The following RBFOX1 variants were observed in gnomAD, a reference collection of about 807,000 sequenced individuals.
RBFOX1 encodes the protein RNA binding fox-1 homolog 1, also known as RNA binding protein fox-1 homolog 1.
Under a neutral mutation model 57.7 loss-of-function variants are expected in RBFOX1, and 8 were observed. That is an observed-to-expected ratio of 0.14 (90% CI 0.08 to 0.25). The LOEUF (loss-of-function observed/expected upper bound fraction) is 0.25. RBFOX1 is among the 10% of genes least tolerant of loss of function. The probability of loss-of-function intolerance (pLI) is 1.00; values close to 1 mark genes in which losing one functional copy is unlikely to be tolerated. For missense variants in RBFOX1, 611 were observed against 548.5 expected, an observed-to-expected ratio of 1.11 and a Z score of -1.14; for synonymous variants, 326 against 222.4, an observed-to-expected ratio of 1.47 and a Z score of -4.15.
rs535003850 is a variant in RBFOX1 at position 7,125,083 on chromosome 16, G to A, written c.27+72985G>A. On this transcript the variant is annotated intron_variant, in intron 4 of 15. Coordinates refer to ENST00000550418, the MANE Select transcript of RBFOX1 (RefSeq NM_018723.4). ...ATGAAGAGAGCACTCTGTCAAAGCT[G>A]AGATATTTAAAGAAAAGCCAAAATG... is the stretch of plus-strand genomic sequence containing the variant. Among the ~76,000 whole-genome samples the A allele has an allele frequency of 1.7e-4, 26 of 152,252 alleles. No homozygotes were observed. The South Asian group carries it at 5.2e-3, about 30-fold the overall frequency.
At chr16:6,090,391 C>T (rs1386135557) in intron 1 of RBFOX1, among the ~76,000 whole-genome samples, 1 of 152,156 alleles carries the variant, frequency 6.6e-6, no homozygotes, top group African/African-American at 2.4e-5. Flanking sequence ...CTGCAGATCA[C>T]ATATCATCAT....
At chr16:6,532,259 G>A (rs1567581223) in intron 2 of RBFOX1, among the ~76,000 whole-genome samples, 1 of 152,206 alleles carries the variant, frequency 6.6e-6, no homozygotes, top group East Asian at 1.9e-4. Context: ...ATAAAATGGG[G>A]GAGCTGTAAC....
intron 4 of RBFOX1, among the ~76,000 whole-genome samples, chr16:7,254,338 C>T (rs2094594438): frequency 6.6e-6 from 1 of 152,124 alleles, no homozygotes; most frequent in East Asian, 1.9e-4. Flanking sequence ...GCAGGAAGAC[C>T]AACCCTGGGC....
At chr16:7,362,742 T>G (rs17739192) in intron 4 of RBFOX1, among the ~76,000 whole-genome samples, 11,426 of 152,148 alleles carry the variant, frequency 0.075, 439 homozygotes, top group South Asian at 0.094. Flanking sequence ...TATATATGTT[T>G]TGGGTGTATG....
chr16:5,771,822 T>A (rs2053987899), intron 3 of RBFOX1, among the ~76,000 whole-genome samples: 1 of 152,210 alleles, frequency 6.6e-6, no homozygotes, highest in Non-Finnish European at 1.5e-5. Context: ...GTGTTTGAAG[T>A]GATGACATAG....
At chr16:6,759,441 C>G (rs937651263) in intron 3 of RBFOX1, among the ~76,000 whole-genome samples, 2 of 150,698 alleles carry the variant, frequency 1.3e-5, no homozygotes, top group Non-Finnish European at 2.9e-5. Context: ...ATTCTTTAGT[C>G]AACCAACTTC....
At chr16:5,920,810 AT>A (rs1250118367) in intron 4 of RBFOX1, among the ~76,000 whole-genome samples, 1 of 152,202 alleles carries the variant, frequency 6.6e-6, no homozygotes, top group Non-Finnish European at 1.5e-5. Flanking sequence ...CAGCATTATA[AT>A]TTTTAAAAAT....
chr16:6,450,790 CATATATAT>C lies in RBFOX1; in HGVS notation c.-64+133736_-64+133743del, dbSNP rs1202007078. ...GTGTATATATATATATATATATATA[CATATATAT>C]ATGTATATATATATATATACATATA... On this transcript the variant is annotated intron_variant, in intron 2 of 15. Coordinates refer to ENST00000550418, the MANE Select transcript of RBFOX1 (RefSeq NM_018723.4). Among the ~76,000 whole-genome samples the C allele has an allele frequency of 5.7e-5, 2 of 35,146 alleles. 1 individual carries two copies. Among genetic ancestry groups the C allele is most frequent in the Non-Finnish European group, 9.8e-5 (2 of 20,476 alleles). The allele number at this position is 35,146 out of a possible 152,430, so 23.1% of individuals were successfully genotyped here.
intron 1 of RBFOX1, among the ~76,000 whole-genome samples, chr16:6,061,054 C>T (rs62015822): frequency 0.57 from 86,791 of 151,608 alleles, 25,176 homozygotes; most frequent in Non-Finnish European, 0.63. Context: ...CTGATTACGA[C>T]CCATGCATTC....
intron 2 of RBFOX1, among the ~76,000 whole-genome samples, chr16:6,389,272 C>T (rs2092468635): frequency 6.6e-6 from 1 of 152,220 alleles, no homozygotes; most frequent in Non-Finnish European, 1.5e-5. Flanking sequence ...AATGAAACGA[C>T]ATGCACAGAT....
At chr16:5,770,517 T>A (rs1485840472) in intron 3 of RBFOX1, among the ~76,000 whole-genome samples, 1 of 152,148 alleles carries the variant, frequency 6.6e-6, no homozygotes, top group Non-Finnish European at 1.5e-5. Flanking sequence ...GGAGTTGTTA[T>A]AAATAAAGCT....
rs185308317 is a variant in RBFOX1 at position 7,211,360 on chromosome 16, C to T, written c.27+159262C>T. On this transcript the variant is annotated intron_variant, in intron 4 of 15. Transcript: ENST00000550418. ...TGAGCCGAGATTGCACCACTGCGCC[C>T]CAGCCTGGGCGACAGAGTGAGACTG... Among the ~76,000 whole-genome samples, 1,053 of 145,578 alleles carry T rather than the reference C, an allele frequency of 7.2e-3. 18 individuals carry two copies. The highest frequency in any genetic ancestry group is 0.026 in the African/African-American group (1,003 of 38,462).
intron 3 of RBFOX1, among the ~76,000 whole-genome samples, chr16:6,679,058 T>C (rs989432232): frequency 6.6e-6 from 1 of 152,134 alleles, no homozygotes; most frequent in Non-Finnish European, 1.5e-5. Flanking sequence ...AACACCTCTC[T>C]AACCCTTGCT....
intron 1 of RBFOX1, among the ~76,000 whole-genome samples, chr16:6,171,737 C>T (rs934650334): frequency 6.6e-6 from 1 of 152,200 alleles, no homozygotes; most frequent in Non-Finnish European, 1.5e-5. Context: ...AAGCGGCATA[C>T]ATCTTCAGAT....
chr16:6,388,114 G>C (rs1045231451), intron 2 of RBFOX1, among the ~76,000 whole-genome samples: 1 of 151,168 alleles, frequency 6.6e-6, no homozygotes, highest in Non-Finnish European at 1.5e-5. Context: ...CGAGTAGCTG[G>C]GACTACAGGT....
chr16:6,150,501 G>A (rs1023223415), intron 1 of RBFOX1, among the ~76,000 whole-genome samples: 7 of 151,788 alleles, frequency 4.6e-5, no homozygotes, highest in Non-Finnish European at 7.4e-5. Flanking sequence ...TGCCTATGTT[G>A]ACCAGCTCTG....
At chr16:7,454,948 C>G (rs1224864803) in intron 4 of RBFOX1, among the ~76,000 whole-genome samples, 1 of 152,186 alleles carries the variant, frequency 6.6e-6, no homozygotes, top group East Asian at 1.9e-4. Context: ...CTTTTCCCAG[C>G]CCTGGGCCAT....
In RBFOX1 at chr16:5,565,145, C is replaced by T. The variant is rs2046019286; in HGVS notation, c.259-33757C>T. The stretch of plus-strand genomic sequence containing the variant: ...GCAGCCTCAGTGGGATACTAAGTGG[C>T]AGACATGGCTTGGATCATCCAAAGC... On this transcript the variant is annotated intron_variant, in intron 2 of 2. Transcript: ENST00000585867. Among the ~76,000 whole-genome samples, 2 of 152,172 alleles carry T rather than the reference C, an allele frequency of 1.3e-5. 1 individual carries two copies. The highest frequency in any genetic ancestry group is 4.1e-4 in the South Asian group (2 of 4,834).
intron 3 of RBFOX1, among the ~76,000 whole-genome samples, chr16:6,804,813 G>A (rs545757734): frequency 1.3e-5 from 2 of 152,236 alleles, no homozygotes; most frequent in Admixed American, 1.3e-4. Context: ...TTGCCACTCT[G>A]ACTTCTTATA....
Sources: gnomAD v4.1 joint callset for allele counts (sites outside exome capture counted in the v4.1 genomes callset) on GRCh38, gnomAD v4.1.1 for gene constraint, MANE v1.5 for transcripts, NCBI Gene and HGNC (gene_info 2026-07-23, HGNC 2026-07-21) for gene names.